Variants in MBD5 observed in about 807,000 individuals in gnomAD.
MBD5 encodes methyl-CpG binding domain protein 5.
MBD5 carries 13 observed loss-of-function variants against 117.3 expected under a neutral mutation model. The observed-to-expected ratio is 0.11, with a 90% CI of 0.07 to 0.18. The LOEUF is 0.18. Ranked by LOEUF, MBD5 falls within the 10% of genes least tolerant of loss-of-function variation. MBD5 has a pLI of 1.00. For missense variants in MBD5, 1,879 were observed against 2,093.8 expected (o/e 0.90, Z 2.00); for synonymous variants, 727 against 766.4 (o/e 0.95, Z 0.85).
intron 1 of MBD5, among the ~76,000 whole-genome samples, chr2:148,030,056 AG>A (rs1693997449): frequency 6.6e-6 from 1 of 152,200 alleles, no homozygotes; most frequent in Non-Finnish European, 1.5e-5. Flanking sequence ...GGATTGCTTG[AG>A]GTCAGGAGTT....
chr2:148,257,062 T>C (rs1473689409), intron 3 of MBD5, among the ~76,000 whole-genome samples: 1 of 152,222 alleles, frequency 6.6e-6, no homozygotes. Flanking sequence ...GTGGCATATA[T>C]AGCTGCTAGC....
chr2:148,348,210 T>G (rs947639955), intron 4 of MBD5, among the ~76,000 whole-genome samples: 1 of 151,922 alleles, frequency 6.6e-6, no homozygotes, highest in East Asian at 1.9e-4. Context: ...TATCCAGTGG[T>G]TGTTCCTCCC....
At chr2:148,380,758 C>G (rs962502808) in intron 4 of MBD5, among the ~76,000 whole-genome samples, 6 of 152,128 alleles carry the variant, frequency 3.9e-5, no homozygotes, top group African/African-American at 1.4e-4. Context: ...GCCGGGTACT[C>G]CTCTGAGACA....
intron 4 of MBD5, among the ~76,000 whole-genome samples, chr2:148,398,968 T>G (rs534816621): frequency 6.6e-6 from 1 of 151,976 alleles, no homozygotes; most frequent in African/African-American, 2.4e-5. Context: ...GTTGTAGATA[T>G]GTGGCATTAT....
intron 2 of MBD5, among the ~76,000 whole-genome samples, chr2:148,221,778 ATT>A (rs1001385451): frequency 6.6e-6 from 1 of 151,812 alleles, no homozygotes; most frequent in African/African-American, 2.4e-5. Context: ...CCATTTGTCT[ATT>A]TTTGTTTTGA....
chr2:148,255,648 G>A (rs1259422061), intron 3 of MBD5, among the ~76,000 whole-genome samples: 2 of 152,176 alleles, frequency 1.3e-5, no homozygotes, highest in East Asian at 3.9e-4. Flanking sequence ...GAATGGGGGT[G>A]GCAGCCTGTT....
At chr2:148,355,343 G>T (rs1703354978) in intron 4 of MBD5, among the ~76,000 whole-genome samples, 1 of 148,726 alleles carries the variant, frequency 6.7e-6, no homozygotes, top group Non-Finnish European at 1.5e-5. Context: ...TTTTAGTCAT[G>T]AAGTCTTTGT....
rs781157106 is a variant in MBD5, at chr2:148,470,394, A to G, written c.2451A>G (p.Ser817=). Residue 817 remains serine (S), a synonymous_variant, in exon 8 of 14, where the codon TCA becomes TCG. Transcript: ENST00000642680. ...LHPNPPQSRI[S]TSSTPVIPNS... ...CCAATCCACCTCAGTCAAGAATTTC[A>G]ACGTCCTCCACTCCAGTGATACCAA... 5.6e-6 allele frequency: 9 copies of G among 1,613,516 alleles called. No individual in the cohort carries two copies. The highest frequency in any genetic ancestry group is 7.6e-6 in the Non-Finnish European group (9 of 1,179,612).
chr2:148,203,114 A>G (rs1344596160), intron 2 of MBD5, among the ~76,000 whole-genome samples: 2 of 152,004 alleles, frequency 1.3e-5, no homozygotes, highest in Non-Finnish European at 2.9e-5. Flanking sequence ...CAAAAAAAAA[A>G]AAAAAAAGCT....
At chr2:148,171,205 C>T (rs1010413474) in intron 1 of MBD5, among the ~76,000 whole-genome samples, 1 of 152,162 alleles carries the variant, frequency 6.6e-6, no homozygotes, top group Admixed American at 6.5e-5. Flanking sequence ...GGCCAGTATC[C>T]TTATGTATAT....
At chr2:148,102,289 G>A (rs556885992) in intron 1 of MBD5, among the ~76,000 whole-genome samples, 1 of 152,018 alleles carries the variant, frequency 6.6e-6, no homozygotes, top group South Asian at 2.1e-4. Context: ...TTACAAAGGC[G>A]GTTTCAAAAA....
At chr2:148,149,575 A>G (rs1241624806) in intron 1 of MBD5, among the ~76,000 whole-genome samples, 5 of 151,438 alleles carry the variant, frequency 3.3e-5, no homozygotes, top group Non-Finnish European at 7.4e-5. Context: ...AAGTGTTCCT[A>G]TTTCTCCACA....
intron 1 of MBD5, among the ~76,000 whole-genome samples, chr2:148,064,244 T>C (rs1695122021): frequency 6.6e-6 from 1 of 151,152 alleles, no homozygotes; most frequent in Non-Finnish European, 1.5e-5. Flanking sequence ...TCCCGCCTAG[T>C]AGCTGGGACC....
intron 4 of MBD5, among the ~76,000 whole-genome samples, chr2:148,380,010 C>G (rs1704090207): frequency 6.6e-6 from 1 of 152,134 alleles, no homozygotes; most frequent in South Asian, 2.1e-4. Context: ...CTGAGGTACT[C>G]TGCAACATAA....
intron 3 of MBD5, among the ~76,000 whole-genome samples, chr2:148,321,798 G>T (rs1702288989): frequency 1.3e-5 from 2 of 151,900 alleles, no homozygotes; most frequent in Non-Finnish European, 2.9e-5. Context: ...ATGTTACCCA[G>T]GCTGGTCTTG....
intron 4 of MBD5, among the ~76,000 whole-genome samples, chr2:148,447,188 A>G (rs1158973890): frequency 0.079 from 797 of 10,078 alleles, 9 homozygotes; most frequent in African/African-American, 0.086. Context: ...GGAAAGAAAG[A>G]AAGAAAGAAA....
At chr2:148,413,969 A>AATTT (rs1239239284) in intron 4 of MBD5, among the ~76,000 whole-genome samples, 1 of 145,828 alleles carries the variant, frequency 6.9e-6, no homozygotes, top group East Asian at 2.0e-4. Flanking sequence ...TTTGCCTCTT[A>AATTT]ATTTATTTCA....
intron 3 of MBD5, among the ~76,000 whole-genome samples, chr2:148,247,756 A>G (rs937951484): frequency 1.4e-4 from 21 of 152,210 alleles, no homozygotes; most frequent in African/African-American, 4.6e-4. Flanking sequence ...CAAAATGAGT[A>G]TTTGTTTATT....
chr2:148,392,614 A>T (rs1371882320), intron 4 of MBD5, among the ~76,000 whole-genome samples: 2 of 152,138 alleles, frequency 1.3e-5, no homozygotes, highest in Non-Finnish European at 2.9e-5. Context: ...AGAATATTTT[A>T]TCTGTCTGAC....
Sources: gnomAD v4.1 joint callset for allele counts (sites outside exome capture counted in the v4.1 genomes callset) on GRCh38, gnomAD v4.1.1 for gene constraint, MANE v1.5 for transcripts, NCBI Gene and HGNC (gene_info 2026-07-23, HGNC 2026-07-21) for gene names.